Variants in FAM193A observed in about 807,000 individuals in gnomAD.
FAM193A encodes protein FAM193A.
FAM193A carries 22 observed loss-of-function variants against 126.5 expected under a neutral mutation model. That is an observed-to-expected ratio of 0.17 (90% CI 0.12 to 0.25). The LOEUF (loss-of-function observed/expected upper bound fraction) is 0.25, where lower values mean the gene tolerates loss of function less well. FAM193A is among the 10% of genes least tolerant of loss of function. The pLI is 1.00. For missense variants in FAM193A, 1,675 were observed against 1,672.8 expected, an observed-to-expected ratio of 1.00 and a Z score of -0.02; for synonymous variants, 761 against 646.8, an observed-to-expected ratio of 1.18 and a Z score of -2.68.
chr4:2,598,703 C>T (rs1460873145), intron 2 of FAM193A, among the ~76,000 whole-genome samples: 3 of 152,252 alleles, frequency 2.0e-5, no homozygotes, highest in South Asian at 2.1e-4. Context: ...GTGCAGAGAG[C>T]ATCAGGCTGA....
At chr4:2,621,192 G>A (rs914038839) in intron 2 of FAM193A, among the ~76,000 whole-genome samples, 5 of 152,128 alleles carry the variant, frequency 3.3e-5, no homozygotes, top group Middle Eastern at 3.2e-3. Flanking sequence ...CTTCTTCACC[G>A]TCCCTGTAGT....
intron 13 of FAM193A, among the ~76,000 whole-genome samples, chr4:2,688,688 G>GTGGGGAGAAGGAC (rs1474339310): frequency 5.3e-5 from 8 of 152,260 alleles, no homozygotes; most frequent in Non-Finnish European, 8.8e-5. Context: ...TCTGGCTGTA[G>GTGGGGAGAAGGAC]TGGGGAGAAG....
chr4:2,601,209 T>C (rs1162056722), intron 2 of FAM193A, among the ~76,000 whole-genome samples: 2 of 150,864 alleles, frequency 1.3e-5, no homozygotes, highest in African/African-American at 4.9e-5. Context: ...TAGATTTGAC[T>C]TTTTATTTCT....
At chr4:2,705,455 G>A (rs1425938041) in intron 19 of FAM193A, among the ~76,000 whole-genome samples, 1 of 133,252 alleles carries the variant, frequency 7.5e-6, no homozygotes, top group Non-Finnish European at 1.7e-5. Flanking sequence ...TCCAGTGTTT[G>A]TGTAGTTTCT....
chr4:2,596,381 G>C (rs1056608412), intron 2 of FAM193A, 52 bp downstream of exon 2: 1 of 681,402 alleles, frequency 1.5e-6, no homozygotes, highest in Non-Finnish European at 2.7e-6. Flanking sequence ...CCCCGCCCAG[G>C]TTATGGGGTA....
chr4:2,570,758 G>A (rs1051459294), intron 1 of FAM193A, among the ~76,000 whole-genome samples: 1 of 152,112 alleles, frequency 6.6e-6, no homozygotes, highest in Non-Finnish European at 1.5e-5. Flanking sequence ...CTCAGATCAG[G>A]GCTAGGCTAG....
chr4:2,636,395 T>C (rs576291433), intron 5 of FAM193A, among the ~76,000 whole-genome samples: 10 of 152,278 alleles, frequency 6.6e-5, no homozygotes, highest in African/African-American at 2.4e-4. Context: ...CTTCAAATCC[T>C]GATAGATCTT....
At chr4:2,615,520 T>C (rs530804888) in intron 2 of FAM193A, among the ~76,000 whole-genome samples, 13 of 152,270 alleles carry the variant, frequency 8.5e-5, no homozygotes, top group African/African-American at 3.1e-4. Flanking sequence ...TATTTTATTT[T>C]ATTTTATTTT....
At chr4:2,643,232 A>T (rs1252362726) in intron 6 of FAM193A, among the ~76,000 whole-genome samples, 6 of 152,130 alleles carry the variant, frequency 3.9e-5, no homozygotes, top group Admixed American at 6.5e-5. Context: ...AATTCAAGAT[A>T]ATTCAGATTT....
chr4:2,619,268 A>G lies in FAM193A; in HGVS notation c.502-5994A>G, dbSNP rs925656892. On this transcript the variant is annotated intron_variant, in intron 2 of 20. Transcript: ENST00000637812. ...CCAATTTCAGATTCTTGACAGTTGT[A>G]TCATCTCTATTTTTGGGGAGATCTG... is the stretch of plus-strand genomic sequence containing the variant. Among the ~76,000 whole-genome samples, 3 of 151,732 alleles carry G rather than the reference A, an allele frequency of 2.0e-5. No homozygotes were observed. The Admixed American group carries it at 2.0e-4, about 10-fold the overall frequency.
intron 2 of FAM193A, among the ~76,000 whole-genome samples, chr4:2,621,540 G>C (rs1742545184): frequency 6.6e-6 from 1 of 152,158 alleles, no homozygotes; most frequent in South Asian, 2.1e-4. Context: ...AAGTGAAGTG[G>C]AGGAGAACAG....
At position 2,700,435 on chromosome 4, in the gene FAM193A, C is replaced by A; in HGVS notation, c.4263C>A (p.Pro1421=). ...CAACCCCTATGGAGCCCACCTCTCC[C>A]GGTGAGCATCAGCAGAACAGCAAGC... ...SNPTPMEPTS[P]GEHQQNSKLV... Residue 1421 remains proline (P), a synonymous_variant, in exon 19 of 21, where the codon CCC becomes CCA. Transcript: ENST00000637812. The A allele has an allele frequency of 6.2e-7, 1 of 1,614,148 alleles. No individual in the cohort carries two copies. Among genetic ancestry groups the A allele is most frequent in the South Asian group, 1.1e-5 (1 of 91,086 alleles).
chr4:2,545,604 G>T (rs774036177), intron 1 of FAM193A, among the ~76,000 whole-genome samples: 1 of 152,056 alleles, frequency 6.6e-6, no homozygotes, highest in Non-Finnish European at 1.5e-5. Context: ...TGACTTTAGT[G>T]GGTACTGCCT....
intron 2 of FAM193A, among the ~76,000 whole-genome samples, chr4:2,620,923 CG>C (rs1560487445): frequency 6.6e-6 from 1 of 151,434 alleles, no homozygotes; most frequent in African/African-American, 2.4e-5. Flanking sequence ...AGAATATGGC[CG>C]GGGCAGATTT....
intron 1 of FAM193A, among the ~76,000 whole-genome samples, chr4:2,544,040 G>A (rs1347553735): frequency 5.9e-5 from 9 of 152,082 alleles, no homozygotes; most frequent in East Asian, 3.9e-4. Flanking sequence ...TTGCGACCAC[G>A]GTGAAATTAG....
intron 5 of FAM193A, among the ~76,000 whole-genome samples, chr4:2,633,163 C>T (rs941781411): frequency 1.4e-4 from 21 of 151,892 alleles, no homozygotes; most frequent in Non-Finnish European, 2.5e-4. Context: ...TTTGGGAGGC[C>T]GAGGCAGGCA....
chr4:2,699,428 T>A (rs1717410941), intron 18 of FAM193A, among the ~76,000 whole-genome samples: 1 of 124,904 alleles, frequency 8.0e-6, no homozygotes, highest in Non-Finnish European at 1.6e-5. Flanking sequence ...AATTTTTTGT[T>A]AACTACCACC....
At chr4:2,537,939 A>G (rs1205333270) in intron 1 of FAM193A, among the ~76,000 whole-genome samples, 3 of 152,192 alleles carry the variant, frequency 2.0e-5, no homozygotes, top group Non-Finnish European at 2.9e-5. Flanking sequence ...GCACCTACCA[A>G]TTATGGATTC....
chr4:2,719,923 C>T (rs1408103531), intron 20 of FAM193A: 13 of 264,752 alleles, frequency 4.9e-5, no homozygotes, highest in Admixed American at 4.7e-4. Flanking sequence ...TCCAAGTAGC[C>T]GGGACTACAG....
Sources: allele counts gnomAD v4.1 joint callset (sites outside exome capture counted in the v4.1 genomes callset), GRCh38; gene constraint gnomAD v4.1.1; transcripts MANE v1.5; gene names NCBI Gene and HGNC (gene_info 2026-07-23, HGNC 2026-07-21).